Variants in CDKL4 observed in about 807,000 individuals in gnomAD.
The protein encoded by CDKL4 is cyclin-dependent kinase-like 4.
A neutral mutation model predicts 42.0 loss-of-function variants in CDKL4; 44 were observed. The ratio of observed to expected loss-of-function variants is 1.05; its 90% CI spans 0.82 to 1.35. The LOEUF (loss-of-function observed/expected upper bound fraction) is 1.35. Ranked by LOEUF, CDKL4 falls within the 40% of genes most tolerant of loss-of-function variation. CDKL4 has a pLI of 0.00. For synonymous variants in CDKL4, 120 were observed against 121.6 expected (o/e 0.99, Z 0.09); for missense variants, 393 against 369.9 (o/e 1.06, Z -0.51).
At chr2:39,197,131 A>C (rs1676566300) in intron 5 of CDKL4, among the ~76,000 whole-genome samples, 1 of 152,248 alleles carries the variant, frequency 6.6e-6, no homozygotes, top group African/African-American at 2.4e-5. Context: ...CATAAATAAA[A>C]AAACAGTCAC....
At chr2:39,201,997 C>T (rs1016719890) in intron 5 of CDKL4, among the ~76,000 whole-genome samples, 5 of 151,940 alleles carry the variant, frequency 3.3e-5, no homozygotes, top group Non-Finnish European at 5.9e-5. Context: ...TTTGGGAGGC[C>T]GAGGCAGGCA....
At chr2:39,181,419 G>A (rs767156216) in intron 8 of CDKL4, among the ~76,000 whole-genome samples, 1 of 152,114 alleles carries the variant, frequency 6.6e-6, no homozygotes, top group Non-Finnish European at 1.5e-5. Context: ...AAGTTTACCA[G>A]AGATTTCCAC....
At chr2:39,179,585 T>G (rs1675320677) in intron 8 of CDKL4, among the ~76,000 whole-genome samples, 1 of 152,200 alleles carries the variant, frequency 6.6e-6, no homozygotes, top group African/African-American at 2.4e-5. Flanking sequence ...CAATGACATT[T>G]TAAAATCACT....
chr2:39,184,704 G>A, intron 7 of CDKL4, 57 bp from the exon 8 acceptor site: 2 of 1,134,834 alleles, frequency 1.8e-6, no homozygotes, highest in South Asian at 1.3e-5. Context: ...ATATGTGTGT[G>A]TATATATGTG....
At chr2:39,204,061 C>T (rs61197162) in intron 5 of CDKL4, among the ~76,000 whole-genome samples, 2,510 of 152,222 alleles carry the variant, frequency 0.016, 74 homozygotes, top group African/African-American at 0.057. Context: ...GAATGATTTC[C>T]GTTTTCTTAG....
intron 4 of CDKL4, among the ~76,000 whole-genome samples, chr2:39,209,696 G>A (rs573013310): frequency 9.2e-5 from 14 of 152,138 alleles, no homozygotes; most frequent in East Asian, 1.9e-4. Context: ...TTAGGATCTC[G>A]ACTCTGGAGA....
At position 39,220,976 on chromosome 2, in the gene CDKL4, C is replaced by CTTTTTTTTTTTTTTTTTTTTTTTTTTTTT. The variant is rs1157655136; in HGVS notation, c.290+4862_290+4863insAAAAAAAAAAAAAAAAAAAAAAAAAAAAA. On this transcript the variant is annotated intron_variant, in intron 3 of 9. Transcript: ENST00000451199. ...AATCCGCATTCACTACATCGACGAT[C>CTTTTTTTTTTTTTTTTTTTTTTTTTTTTT]TTTTTTTTTTTTTTTTTTTTTTTTG... 4.1e-4 allele frequency among the ~76,000 whole-genome samples: 20 copies of CTTTTTTTTTTTTTTTTTTTTTTTTTTTTT among 49,138 alleles called. 5 individuals are homozygous for CTTTTTTTTTTTTTTTTTTTTTTTTTTTTT. Among genetic ancestry groups the CTTTTTTTTTTTTTTTTTTTTTTTTTTTTT allele is most frequent in the Non-Finnish European group, 4.8e-4 (13 of 27,176 alleles). 32.2% of individuals were successfully genotyped at this position (49,138 alleles called of 152,430 possible).
intron 3 of CDKL4, among the ~76,000 whole-genome samples, chr2:39,223,452 A>G (rs1007650286): frequency 1.3e-5 from 2 of 152,126 alleles, no homozygotes; most frequent in African/African-American, 4.8e-5. Flanking sequence ...GACTGGGTAT[A>G]ATAATTTTTG....
intron 5 of CDKL4, among the ~76,000 whole-genome samples, chr2:39,202,817 C>T (rs1391780951): frequency 6.6e-6 from 1 of 152,126 alleles, no homozygotes; most frequent in East Asian, 1.9e-4. Flanking sequence ...CATAATGGGA[C>T]CCCCTCCTTT....
At chr2:39,186,204 A>G (rs945360862) in intron 7 of CDKL4, among the ~76,000 whole-genome samples, 11 of 152,218 alleles carry the variant, frequency 7.2e-5, no homozygotes, top group African/African-American at 2.7e-4. Flanking sequence ...TACATTTGTT[A>G]AAGGCTTTAA....
At chr2:39,226,793 T>C (rs75017186) in intron 2 of CDKL4, among the ~76,000 whole-genome samples, 4 of 151,498 alleles carry the variant, frequency 2.6e-5, no homozygotes, top group South Asian at 2.1e-4. Flanking sequence ...TTTTTTTTTT[T>C]CCTTGCTCTG....
At chr2:39,175,033 T>C (rs554424773), downstream of CDKL4, among the ~76,000 whole-genome samples, 7 of 152,348 alleles carry the variant, frequency 4.6e-5, no homozygotes, top group South Asian at 1.4e-3. Context: ...TTGAGGGGTT[T>C]GCTTTGCTTT....
chr2:39,225,228 C>T (rs529846242), intron 3 of CDKL4, among the ~76,000 whole-genome samples: 11 of 151,898 alleles, frequency 7.2e-5, no homozygotes, highest in African/African-American at 1.9e-4. Flanking sequence ...GGTGAAACCC[C>T]GTCTCTACTA....
chr2:39,171,885 A>G (rs1315479336), downstream of CDKL4, among the ~76,000 whole-genome samples: 1 of 152,198 alleles, frequency 6.6e-6, no homozygotes, highest in Non-Finnish European at 1.5e-5. Context: ...AAAAGGCTTG[A>G]AAGTTGACAT....
In CDKL4 at chr2:39,204,666, G is replaced by A. The variant is rs562530157; in HGVS notation, c.364-49C>T. The A allele has an allele frequency of 3.3e-5, 34 of 1,019,496 alleles. 2 individuals are homozygous for A. In the South Asian group the frequency reaches 4.6e-4, roughly 14 times the overall value. 63.2% of individuals were successfully genotyped at this position (1,019,496 alleles called of 1,614,324 possible). ...TTTTCTGAACCATCAAAATGACAAA[G>A]AATAAACATTAACTACTAGTTTAAA... On this transcript the variant is annotated intron_variant, in intron 4 of 9. Transcript: ENST00000451199.
At chr2:39,241,931 T>C (rs539917660) in intron 1 of CDKL4, among the ~76,000 whole-genome samples, 1 of 152,240 alleles carries the variant, frequency 6.6e-6, no homozygotes, top group Non-Finnish European at 1.5e-5. Context: ...AGGCAATAAG[T>C]ACATTTTGAT....
chr2:39,190,398 T>G, exon 6 of CDKL4: 1 of 1,613,826 alleles, frequency 6.2e-7, no homozygotes, highest in South Asian at 1.1e-5. Flanking sequence ...ACACAACCAA[T>G]AGCCCATATA....
intron 3 of CDKL4, 70 bp downstream of exon 3, chr2:39,225,769 C>A: frequency 6.9e-7 from 1 of 1,451,752 alleles, no homozygotes; most frequent in Admixed American, 2.3e-5. Flanking sequence ...TTGAAATTTG[C>A]CATGGTTAAT....
At chr2:39,187,671 T>G in exon 7 of CDKL4, 1 of 1,613,180 alleles carries the variant, frequency 6.2e-7, no homozygotes, top group East Asian at 2.2e-5. Context: ...AAAAACCCGT[T>G]ACTTTTAAAG....
Sources: gnomAD v4.1 joint callset for allele counts (sites outside exome capture counted in the v4.1 genomes callset) on GRCh38, gnomAD v4.1.1 for gene constraint, MANE v1.5 for transcripts, NCBI Gene and HGNC (gene_info 2026-07-23, HGNC 2026-07-21) for gene names.